The following UST variants were observed in gnomAD, a reference collection of about 807,000 sequenced individuals.
UST encodes uronyl 2-sulfotransferase.
A neutral mutation model predicts 45.6 loss-of-function variants in UST; 21 were observed. That is an observed-to-expected ratio of 0.46 (90% CI 0.33 to 0.66). The LOEUF (loss-of-function observed/expected upper bound fraction) is 0.66. UST is among the 30% of genes least tolerant of loss of function. UST has a pLI of 0.02. For synonymous variants in UST, 215 were observed against 200.6 expected (o/e 1.07, Z -0.61); for missense variants, 463 against 512.4 (o/e 0.90, Z 0.93).
chr6:148,878,906 G>C (rs928259437), intron 1 of UST, among the ~76,000 whole-genome samples: 7 of 152,062 alleles, frequency 4.6e-5, no homozygotes, highest in Admixed American at 4.6e-4. Context: ...TCCCCTGGTG[G>C]TTTAAGTCAA....
intron 7 of UST, among the ~76,000 whole-genome samples, chr6:149,031,956 T>A: frequency 6.6e-6 from 1 of 152,170 alleles, no homozygotes; most frequent in East Asian, 1.9e-4. Flanking sequence ...AATAACATGA[T>A]TGGAAGCGTG....
chr6:149,066,127 C>T (rs1776727005), intron 7 of UST: 1 of 152,302 alleles, frequency 6.6e-6, no homozygotes, highest in East Asian at 1.9e-4. Flanking sequence ...GTTGCAGATG[C>T]AGGGGTTTCA....
At chr6:148,789,665 T>C (rs1450413816) in intron 1 of UST, among the ~76,000 whole-genome samples, 1 of 152,034 alleles carries the variant, frequency 6.6e-6, no homozygotes, top group African/African-American at 2.4e-5. Flanking sequence ...TTCTCCTGTC[T>C]CAGCCTCCCG....
chr6:148,941,036 G>T (rs1358787423), intron 2 of UST, among the ~76,000 whole-genome samples: 14 of 152,162 alleles, frequency 9.2e-5, no homozygotes, highest in Admixed American at 9.2e-4. Context: ...CAATCTTAGA[G>T]ACTGCCTGAA....
At chr6:148,761,291 C>T (rs959155755) in intron 1 of UST, among the ~76,000 whole-genome samples, 1 of 152,082 alleles carries the variant, frequency 6.6e-6, no homozygotes, top group African/African-American at 2.4e-5. Flanking sequence ...CAAACAGCAC[C>T]CTGCCTTCTG....
At chr6:148,754,614 G>A (rs1251501262) in intron 1 of UST, among the ~76,000 whole-genome samples, 1 of 152,102 alleles carries the variant, frequency 6.6e-6, no homozygotes, top group Non-Finnish European at 1.5e-5. Flanking sequence ...TGGGTTGTTT[G>A]TATTTGTGTT....
chr6:148,831,970 TA>T (rs1244063779), intron 1 of UST, among the ~76,000 whole-genome samples: 1 of 152,156 alleles, frequency 6.6e-6, no homozygotes, highest in Non-Finnish European at 1.5e-5. Context: ...TACTTGTAAA[TA>T]CATTTGGTAG....
intron 1 of UST, among the ~76,000 whole-genome samples, chr6:148,771,293 T>C (rs2114673606): frequency 6.6e-6 from 1 of 152,356 alleles, no homozygotes; most frequent in African/African-American, 2.4e-5. Flanking sequence ...TGTGCCATTA[T>C]TGAAGATTAT....
chr6:148,791,416 TA>T (rs1238528999), intron 1 of UST, among the ~76,000 whole-genome samples: 3 of 152,250 alleles, frequency 2.0e-5, no homozygotes, highest in Non-Finnish European at 4.4e-5. Flanking sequence ...ATCATGTGAA[TA>T]AATGTATTTT....
At chr6:148,768,236 A>G (rs1776354946) in intron 1 of UST, among the ~76,000 whole-genome samples, 1 of 152,212 alleles carries the variant, frequency 6.6e-6, no homozygotes, top group African/African-American at 2.4e-5. Flanking sequence ...TTTCAATATT[A>G]GTGAAAGTGA....
intron 5 of UST, among the ~76,000 whole-genome samples, chr6:148,984,412 G>A (rs1781199994): frequency 6.6e-6 from 1 of 152,046 alleles, no homozygotes; most frequent in Non-Finnish European, 1.5e-5. Flanking sequence ...TGGAGAGGTG[G>A]GCAATAGATC....
chr6:148,790,924 T>C lies in UST; in HGVS notation c.247+43247T>C, dbSNP rs2114703186. Among the ~76,000 whole-genome samples the C allele has an allele frequency of 6.6e-6, 1 of 152,322 alleles. No homozygotes were observed. Among genetic ancestry groups the C allele is most frequent in the African/African-American group, 2.4e-5 (1 of 41,580 alleles). On this transcript the variant is annotated intron_variant, in intron 1 of 7. Coordinates refer to ENST00000367463, the MANE Select transcript of UST (RefSeq NM_005715.3). The surrounding 1 kb of genome is among the most constrained non-coding windows in gnomAD (Gnocchi z 4.2). ...CACTCCTTTGTAGGTTGTATCTGAG[T>C]ACATGCACATCTCTCCCTCAGGATC...
intron 1 of UST, among the ~76,000 whole-genome samples, chr6:148,753,135 G>A (rs1323029096): frequency 2.0e-5 from 3 of 152,128 alleles, no homozygotes; most frequent in Admixed American, 6.5e-5. Flanking sequence ...AAACAGCTTT[G>A]TTGAGATATA....
intron 1 of UST, among the ~76,000 whole-genome samples, chr6:148,777,623 C>T (rs1776560662): frequency 6.6e-6 from 1 of 152,208 alleles, no homozygotes; most frequent in Admixed American, 6.5e-5. Context: ...CAGCTCACTG[C>T]AACCTACGCA....
At chr6:149,035,576 G>T (rs1192008023) in intron 7 of UST, among the ~76,000 whole-genome samples, 1 of 151,944 alleles carries the variant, frequency 6.6e-6, no homozygotes, top group Non-Finnish European at 1.5e-5. Flanking sequence ...ACAACATGGT[G>T]AAACCTGTCT....
rs1232381538 is a variant in UST, at chr6:148,825,999, G to C, written c.248-60987G>C. On this transcript the variant is annotated intron_variant, in intron 1 of 7. Coordinates refer to ENST00000367463, the MANE Select transcript of UST (RefSeq NM_005715.3). Reference sequence around the variant, plus strand: ...AAGAGGTGTCACAAAGAGACACTGAGAGCTGCTAGTCCTGCAAGATATCAT... The same window carrying C: ...AAGAGGTGTCACAAAGAGACACTGACAGCTGCTAGTCCTGCAAGATATCAT... Among the ~76,000 whole-genome samples, 8 of 152,308 alleles carry C rather than the reference G, an allele frequency of 5.3e-5. No homozygotes were observed. In the East Asian group the frequency reaches 1.5e-3, roughly 29 times the overall value.
intron 2 of UST, among the ~76,000 whole-genome samples, chr6:148,932,375 G>A (rs934593594): frequency 4.6e-5 from 7 of 151,888 alleles, no homozygotes; most frequent in South Asian, 2.1e-4. Context: ...GCAAGACCTC[G>A]TCTCAAAAAA....
At chr6:148,758,560 C>G (rs1402728218) in intron 1 of UST, among the ~76,000 whole-genome samples, 1 of 152,214 alleles carries the variant, frequency 6.6e-6, no homozygotes, top group East Asian at 1.9e-4. Context: ...GCTCCCAGAA[C>G]TTCCCCCATT....
chr6:149,068,995 T>C (rs890904643), intron 7 of UST, among the ~76,000 whole-genome samples: 4 of 152,226 alleles, frequency 2.6e-5, no homozygotes, highest in African/African-American at 9.6e-5. Flanking sequence ...TACACGATCT[T>C]TGTCTTTCTG....
Sources: allele counts gnomAD v4.1 joint callset (sites outside exome capture counted in the v4.1 genomes callset), GRCh38; gene constraint gnomAD v4.1.1; non-coding constraint Gnocchi (gnomAD v3.1); transcripts MANE v1.5; gene names NCBI Gene and HGNC (gene_info 2026-07-23, HGNC 2026-07-21).